Variants in MAP3K7CL observed in about 807,000 individuals in gnomAD.
The protein encoded by MAP3K7CL is MAP3K7 C-terminal like, also known as MAP3K7 C-terminal-like protein.
In MAP3K7CL, 16 loss-of-function variants were observed where a neutral mutation model predicts 18.6. The ratio of observed to expected loss-of-function variants is 0.86; its 90% CI spans 0.58 to 1.31. The LOEUF (loss-of-function observed/expected upper bound fraction) is 1.31, where lower values mean the gene tolerates loss of function less well. Among genes scored for constraint, MAP3K7CL ranks in the 50% most tolerant of loss-of-function variants. The pLI is 0.00. For missense variants in MAP3K7CL, 163 were observed against 174.4 expected (o/e 0.93, Z 0.37); for synonymous variants, 65 against 66.8 (o/e 0.97, Z 0.13).
Position 29,130,650 on chromosome 21 carries a change from A to G in MAP3K7CL, c.-313A>G. On this transcript the variant is annotated 5_prime_UTR_variant, in exon 1 of 5. Coordinates refer to ENST00000399928, the MANE Select transcript of MAP3K7CL (RefSeq NM_001286620.2). ...TTGCTTTTTCTAGAAAGATGACAAC[A>G]TCCTGGCTGTTAGAGAGGCAAGGAA... The G allele has an allele frequency of 1.0e-6, 1 of 985,498 alleles. No individual in the cohort carries two copies. The highest frequency in any genetic ancestry group is 1.2e-6 in the Non-Finnish European group (1 of 829,972). The allele number at this position is 985,498 out of a possible 1,614,324, so 61.0% of individuals were successfully genotyped here.
intron 2 of MAP3K7CL, among the ~76,000 whole-genome samples, chr21:29,134,893 C>CA (rs946802384): frequency 3.3e-5 from 5 of 151,194 alleles, no homozygotes; most frequent in African/African-American, 9.7e-5. Context: ...ACTAAAAATA[C>CA]AAAAAAAATT....
intron 4 of MAP3K7CL, among the ~76,000 whole-genome samples, chr21:29,098,416 T>C (rs1273094871): frequency 6.6e-6 from 1 of 152,152 alleles, no homozygotes; most frequent in Admixed American, 6.5e-5. Context: ...ATTTCCATTC[T>C]TTCAATTTAT....
chr21:29,156,886 C>T (rs769666600), intron 3 of MAP3K7CL, among the ~76,000 whole-genome samples: 12 of 152,086 alleles, frequency 7.9e-5, no homozygotes, highest in Non-Finnish European at 1.3e-4. Flanking sequence ...ATTCCGTTGA[C>T]CGGAGAGCAC....
intron 4 of MAP3K7CL, chr21:29,109,692 G>A: frequency 1.0e-6 from 1 of 987,092 alleles, no homozygotes; most frequent in South Asian, 4.7e-5. Context: ...CATGATCTCG[G>A]CTCACTGCAA....
chr21:29,100,080 C>T (rs1171571969), intron 4 of MAP3K7CL, among the ~76,000 whole-genome samples: 2 of 99,706 alleles, frequency 2.0e-5, no homozygotes, highest in African/African-American at 8.2e-5. Context: ...GAGACTCCGT[C>T]TTTAAAAAAA....
At chr21:29,078,089 A>AT (rs1209909843) in intron 1 of MAP3K7CL, among the ~76,000 whole-genome samples, 2 of 151,582 alleles carry the variant, frequency 1.3e-5, no homozygotes, top group Non-Finnish European at 1.5e-5. Flanking sequence ...ATGTGTTTTG[A>AT]TTTTTTTTGT....
At chr21:29,158,965 G>A (rs2087474673) in intron 3 of MAP3K7CL, among the ~76,000 whole-genome samples, 1 of 128,536 alleles carries the variant, frequency 7.8e-6, no homozygotes, top group African/African-American at 3.2e-5. Context: ...CTGTCACCCA[G>A]GCTGGAGTAC....
intron 2 of MAP3K7CL, among the ~76,000 whole-genome samples, chr21:29,144,923 G>A (rs925832872): frequency 2.0e-5 from 3 of 152,204 alleles, no homozygotes; most frequent in Admixed American, 6.5e-5. Context: ...ACATCATAAT[G>A]GTTGGGCTGT....
chr21:29,114,684 C>T lies in MAP3K7CL; in HGVS notation c.370+22103C>T, dbSNP rs901290841. On this transcript the variant is annotated intron_variant, in intron 4 of 6. Coordinates refer to the MAP3K7CL transcript ENST00000286791. ...GGGATTACAGGCATGAGCCACTGCA[C>T]CTGGCTATGATTTTTAAAATTCAAA... Among the ~76,000 whole-genome samples the T allele has an allele frequency of 1.4e-4, 22 of 152,296 alleles. No individual in the cohort carries two copies. In the Middle Eastern group the frequency reaches 0.01, roughly 71 times the overall value.
chr21:29,109,331 T>C, intron 4 of MAP3K7CL: 1 of 1,404,060 alleles, frequency 7.1e-7, no homozygotes, highest in Non-Finnish European at 9.2e-7. Context: ...TTCCTTCTAG[T>C]AATTAATTTG....
At chr21:29,082,771 C>A (rs115539510), upstream of MAP3K7CL, among the ~76,000 whole-genome samples, 1,241 of 152,284 alleles carry the variant, frequency 8.1e-3, 14 homozygotes, top group African/African-American at 0.028. Context: ...ACTCTAAAAC[C>A]CCAGTCCCTG....
At chr21:29,081,073 TGACG>T (rs1266859364), upstream of MAP3K7CL, among the ~76,000 whole-genome samples, 2 of 152,162 alleles carry the variant, frequency 1.3e-5, no homozygotes, top group Non-Finnish European at 2.9e-5. Context: ...AAGACAAACC[TGACG>T]AAGAAAGTTG....
intron 4 of MAP3K7CL, among the ~76,000 whole-genome samples, chr21:29,168,689 A>G (rs1271087262): frequency 1.3e-5 from 2 of 152,218 alleles, no homozygotes; most frequent in East Asian, 1.9e-4. Context: ...ATTTATGCCT[A>G]GTGTTCCATT....
chr21:29,117,826 T>C (rs950407209), intron 4 of MAP3K7CL, among the ~76,000 whole-genome samples: 20 of 152,210 alleles, frequency 1.3e-4, no homozygotes, highest in Non-Finnish European at 2.5e-4. Flanking sequence ...ATCCGATGAC[T>C]AAATGGGTTT....
intron 1 of MAP3K7CL, among the ~76,000 whole-genome samples, chr21:29,088,435 AAATAT>A (rs1196703932): frequency 1.3e-5 from 2 of 152,256 alleles, no homozygotes; most frequent in Admixed American, 6.5e-5. Flanking sequence ...TGTAAGCAAT[AAATAT>A]AATTTCTGAG....
intron 4 of MAP3K7CL, chr21:29,122,329 A>G (rs2086608694): frequency 6.6e-6 from 1 of 152,254 alleles, no homozygotes; most frequent in South Asian, 2.1e-4. Context: ...CCCTGAGGGC[A>G]TGTATTACAC....
intron 2 of MAP3K7CL, among the ~76,000 whole-genome samples, chr21:29,137,382 A>G (rs1364632616): frequency 6.6e-6 from 1 of 152,158 alleles, no homozygotes; most frequent in African/African-American, 2.4e-5. Flanking sequence ...ATGACCTCCT[A>G]TGGGCTTTGT....
intron 4 of MAP3K7CL, among the ~76,000 whole-genome samples, chr21:29,169,089 A>G (rs913416875): frequency 1.3e-5 from 2 of 152,158 alleles, no homozygotes; most frequent in Non-Finnish European, 2.9e-5. Flanking sequence ...TAGGTTTGCT[A>G]TTGACATCTA....
upstream of MAP3K7CL, among the ~76,000 whole-genome samples, chr21:29,077,171 T>C (rs1312089695): frequency 2.0e-5 from 3 of 152,238 alleles, no homozygotes; most frequent in African/African-American, 7.2e-5. Context: ...GTGGAGCTGC[T>C]TGCCAGTCCG....
Sources: allele counts gnomAD v4.1 joint callset (sites outside exome capture counted in the v4.1 genomes callset), GRCh38; gene constraint gnomAD v4.1.1; transcripts MANE v1.5; gene names NCBI Gene and HGNC (gene_info 2026-07-23, HGNC 2026-07-21).